The following RORA variants were observed in gnomAD, a reference collection of about 807,000 sequenced individuals.
RORA encodes RAR related orphan receptor A, also known as nuclear receptor ROR-alpha.
RORA carries 7 observed loss-of-function variants against 69.5 expected under a neutral mutation model. The observed-to-expected ratio is 0.10, with a 90% CI of 0.06 to 0.19. The LOEUF (loss-of-function observed/expected upper bound fraction) is 0.19, where lower values mean the gene tolerates loss of function less well. Among genes scored for constraint, RORA ranks in the 10% least tolerant of loss-of-function variants. The pLI, the probability that RORA is intolerant of heterozygous loss-of-function variation, is 1.00. For synonymous variants in RORA, 261 were observed against 240.8 expected, an observed-to-expected ratio of 1.08 and a Z score of -0.78; for missense variants, 457 against 663.0, an observed-to-expected ratio of 0.69 and a Z score of 3.41.
At chr15:60,768,715 A>G (rs1246260465) in intron 1 of RORA, among the ~76,000 whole-genome samples, 2 of 152,226 alleles carry the variant, frequency 1.3e-5, no homozygotes, top group Admixed American at 6.5e-5. Flanking sequence ...GTGCACTGAC[A>G]GACAGAGGTG....
intron 2 of RORA, among the ~76,000 whole-genome samples, chr15:60,579,735 G>A (rs1045806029): frequency 2.0e-5 from 3 of 152,144 alleles, no homozygotes; most frequent in African/African-American, 7.2e-5. Context: ...AGAAATAATT[G>A]GTTGTCCTAA....
intron 1 of RORA, among the ~76,000 whole-genome samples, chr15:60,729,228 T>A (rs1167699580): frequency 6.6e-6 from 1 of 152,040 alleles, no homozygotes; most frequent in African/African-American, 2.4e-5. Flanking sequence ...TTCTGCTCCA[T>A]CAAAACTTCA....
At position 60,531,550 on chromosome 15, in the gene RORA, C is replaced by T. The variant is rs968568316; in HGVS notation, c.282+216G>A. ...GTGATAAACAAGCAATGCTCAAATACCTTTTTGTAATCTCCTATTATTTTG... is the reference window on the plus strand; with the variant it reads ...GTGATAAACAAGCAATGCTCAAATATCTTTTTGTAATCTCCTATTATTTTG... On this transcript the variant is annotated intron_variant, in intron 3 of 10. Transcript: ENST00000335670. The surrounding 1 kb of genome is among the most constrained non-coding windows in gnomAD (Gnocchi z 4.8). 7 of 478,372 alleles carry T rather than the reference C, an allele frequency of 1.5e-5. No individual in the cohort carries two copies. Among genetic ancestry groups the T allele is most frequent in the African/African-American group, 8.3e-5 (4 of 48,422 alleles). The allele number at this position is 478,372 out of a possible 1,614,324, so 29.6% of individuals were successfully genotyped here. A position where few individuals can be genotyped will look rare whatever the true frequency, so the allele number is the denominator to read the frequency against.
chr15:60,809,016 C>G (rs2072703197), intron 1 of RORA, among the ~76,000 whole-genome samples: 1 of 152,000 alleles, frequency 6.6e-6, no homozygotes. Flanking sequence ...TTTGGAGACT[C>G]AGAGGAAATG....
In RORA at chr15:60,493,249, A is replaced by C. The variant is rs2065080435; in HGVS notation, c.*4206T>G. ...GATTATTATCTGGCTGCCCCTCAACAATAACAAGTGATTCGATCGACATTC... is the reference window on the plus strand; with the variant it reads ...GATTATTATCTGGCTGCCCCTCAACCATAACAAGTGATTCGATCGACATTC... On this transcript the variant is annotated 3_prime_UTR_variant, in exon 11 of 11. Transcript: ENST00000335670. 1.3e-5 allele frequency: 2 copies of C among 151,760 alleles called. No individual in the cohort carries two copies. The highest frequency in any genetic ancestry group is 4.9e-5 in the African/African-American group (2 of 41,066). The allele number at this position is 151,760 out of a possible 1,614,324, so 9.4% of individuals were successfully genotyped here. A position where few individuals can be genotyped will look rare whatever the true frequency, so the allele number is the denominator to read the frequency against.
chr15:61,204,614 G>A (rs1304257373), intron 1 of RORA, among the ~76,000 whole-genome samples: 2 of 152,206 alleles, frequency 1.3e-5, no homozygotes. Context: ...ATCCAATGTA[G>A]GGTTTTAAGC....
Position 60,514,606 on chromosome 15 carries a change from G to A in RORA, c.424+10C>T. On this transcript the variant is annotated intron_variant, in intron 4 of 10. Coordinates refer to ENST00000335670, the MANE Select transcript of RORA (RefSeq NM_134261.3). Reference sequence around the variant, plus strand: ...CGTGCAACTGTACAACTCAAGCTGTGAGAGCTCACCATCTCGAGACATCCC... The same window carrying A: ...CGTGCAACTGTACAACTCAAGCTGTAAGAGCTCACCATCTCGAGACATCCC... The A allele has an allele frequency of 1.2e-6, 2 of 1,613,720 alleles. No homozygotes were observed. Among genetic ancestry groups the A allele is most frequent in the East Asian group, 4.5e-5 (2 of 44,866 alleles).
chr15:60,933,019 A>C (rs961427298), intron 1 of RORA, among the ~76,000 whole-genome samples: 1 of 152,062 alleles, frequency 6.6e-6, no homozygotes, highest in Non-Finnish European at 1.5e-5. Context: ...GTTGCCCCCC[A>C]CAGTCATGAA....
intron 1 of RORA, among the ~76,000 whole-genome samples, chr15:61,044,037 C>G: frequency 6.6e-6 from 1 of 152,120 alleles, no homozygotes; most frequent in East Asian, 1.9e-4. Context: ...TCCTCCCACC[C>G]CCTCCCTAAC....
At chr15:60,614,666 C>T (rs1445157616) in intron 2 of RORA, among the ~76,000 whole-genome samples, 1 of 152,140 alleles carries the variant, frequency 6.6e-6, no homozygotes, top group African/African-American at 2.4e-5. Context: ...ACAAGGTCTT[C>T]AGGGCTTGAC....
intron 1 of RORA, among the ~76,000 whole-genome samples, chr15:60,867,809 A>G (rs2073507424): frequency 6.6e-6 from 1 of 152,198 alleles, no homozygotes; most frequent in Non-Finnish European, 1.5e-5. Context: ...CATTTGATTA[A>G]TAAGAACTGT....
At chr15:60,965,841 T>C (rs907704315) in intron 1 of RORA, among the ~76,000 whole-genome samples, 1 of 152,204 alleles carries the variant, frequency 6.6e-6, no homozygotes, top group Non-Finnish European at 1.5e-5. Context: ...CTCACACTTA[T>C]GACCCTACTA....
intron 1 of RORA, among the ~76,000 whole-genome samples, chr15:61,100,117 T>TC (rs1296270744): frequency 7.7e-4 from 115 of 148,604 alleles, no homozygotes; most frequent in African/African-American, 2.6e-3. Flanking sequence ...ATTTTCTTTT[T>TC]TTTTTTTTTT....
chr15:61,074,957 C>G (rs2078426634), intron 1 of RORA, among the ~76,000 whole-genome samples: 1 of 151,650 alleles, frequency 6.6e-6, no homozygotes, highest in Middle Eastern at 3.2e-3. Flanking sequence ...TGTGGTGGTG[C>G]ACACCTGTAA....
rs953119137 is a variant in RORA, at chr15:60,678,823, A to C, written c.167-137T>G. The C allele has an allele frequency of 5.6e-5, 40 of 709,804 alleles. No homozygotes were observed. In the African/African-American group the frequency reaches 5.8e-4, roughly 10 times the overall value. 44.0% of individuals were successfully genotyped at this position (709,804 alleles called of 1,614,324 possible). Reference sequence around the variant, plus strand: ...GAAGCAAGACCAGTTTTAACATTGCACAGGAGTGTCACTAGACCTACCCCA... The same window carrying C: ...GAAGCAAGACCAGTTTTAACATTGCCCAGGAGTGTCACTAGACCTACCCCA... On this transcript the variant is annotated intron_variant, in intron 1 of 10. Coordinates refer to ENST00000335670, the MANE Select transcript of RORA (RefSeq NM_134261.3).
chr15:61,164,075 A>G (rs529656023), intron 1 of RORA, among the ~76,000 whole-genome samples: 1 of 152,186 alleles, frequency 6.6e-6, no homozygotes, highest in African/African-American at 2.4e-5. Flanking sequence ...ATCTCTCAAG[A>G]GAGTGTAGGT....
intron 1 of RORA, among the ~76,000 whole-genome samples, chr15:61,118,544 A>T (rs768404314): frequency 3.9e-5 from 6 of 152,194 alleles, no homozygotes; most frequent in Admixed American, 3.9e-4. Flanking sequence ...AAAGGACTAT[A>T]TATCTCCATT....
intron 2 of RORA, among the ~76,000 whole-genome samples, chr15:60,561,182 C>G (rs1050961162): frequency 2.7e-5 from 4 of 150,710 alleles, no homozygotes; most frequent in Non-Finnish European, 3.0e-5. Flanking sequence ...CCCGGGTTCA[C>G]GCCATTCTCC....
At chr15:60,909,676 C>A (rs760171198) in intron 1 of RORA, among the ~76,000 whole-genome samples, 5 of 152,196 alleles carry the variant, frequency 3.3e-5, no homozygotes, top group Non-Finnish European at 7.3e-5. Flanking sequence ...AGGATCCCCA[C>A]TAAGCGTGGG....
Sources: allele counts gnomAD v4.1 joint callset (sites outside exome capture counted in the v4.1 genomes callset), GRCh38; gene constraint gnomAD v4.1.1; non-coding constraint Gnocchi (gnomAD v3.1); transcripts MANE v1.5; gene names NCBI Gene and HGNC (gene_info 2026-07-23, HGNC 2026-07-21).